Variants in ANKS1B observed in about 807,000 individuals in gnomAD.
The protein encoded by ANKS1B is ankyrin repeat and sterile alpha motif domain containing 1B, also known as ankyrin repeat and sterile alpha motif domain-containing protein 1B.
Under a neutral mutation model 148.3 loss-of-function variants are expected in ANKS1B, and 36 were observed. The observed-to-expected ratio is 0.24, with a 90% CI of 0.19 to 0.32. ANKS1B has a LOEUF of 0.32. Ranked by LOEUF, ANKS1B falls within the 10% of genes least tolerant of loss-of-function variation. ANKS1B has a pLI of 1.00. For synonymous variants in ANKS1B, 542 were observed against 560.8 expected (o/e 0.97, Z 0.47); for missense variants, 1,157 against 1,542.6 (o/e 0.75, Z 4.19).
At chr12:99,812,032 T>A in intron 3 of ANKS1B, 123 bp downstream of exon 3, 1 of 1,207,900 alleles carries the variant, frequency 8.3e-7, no homozygotes, top group Non-Finnish European at 1.1e-6. Flanking sequence ...TTTCTCCTTT[T>A]AGGAAATTCA....
chr12:99,647,513 T>C (rs754878633), intron 9 of ANKS1B, among the ~76,000 whole-genome samples: 2 of 152,162 alleles, frequency 1.3e-5, no homozygotes, highest in Non-Finnish European at 2.9e-5. Flanking sequence ...CACAGAAAAT[T>C]TACCTCTAAC....
chr12:99,734,843 C>A (rs975475172), intron 8 of ANKS1B, among the ~76,000 whole-genome samples: 1 of 152,140 alleles, frequency 6.6e-6, no homozygotes, highest in Admixed American at 6.6e-5. Context: ...TCAGTGATCT[C>A]CTCTCAGTTA....
At chr12:99,105,524 T>C (rs1330204119) in intron 15 of ANKS1B, among the ~76,000 whole-genome samples, 1 of 152,026 alleles carries the variant, frequency 6.6e-6, no homozygotes, top group Non-Finnish European at 1.5e-5. Flanking sequence ...AACAAAATTT[T>C]TTGGGAGGCC....
intron 17 of ANKS1B, among the ~76,000 whole-genome samples, chr12:98,985,460 G>A (rs768853440): frequency 2.0e-4 from 31 of 151,388 alleles, no homozygotes; most frequent in African/African-American, 3.9e-4. Context: ...TTATTCCTGC[G>A]TTTTTTGATA....
At chr12:99,878,042 G>A (rs1603426671) in intron 1 of ANKS1B, among the ~76,000 whole-genome samples, 1 of 152,234 alleles carries the variant, frequency 6.6e-6, no homozygotes, top group Middle Eastern at 3.4e-3. Flanking sequence ...GTGACAGAGT[G>A]AGACCCTGTC....
In ANKS1B at chr12:99,431,821, G is replaced by A. The variant is rs185532160; in HGVS notation, c.1575+11852C>T. On this transcript the variant is annotated intron_variant, in intron 11 of 26. Coordinates refer to ENST00000683438, the MANE Select transcript of ANKS1B (RefSeq NM_001352186.2). Reference sequence around the variant, plus strand: ...CCTGGACTATGTATCTGCCTGCTACGATATGGATATGGCTTAGTTTGTCCC... The same window carrying A: ...CCTGGACTATGTATCTGCCTGCTACAATATGGATATGGCTTAGTTTGTCCC... Among the ~76,000 whole-genome samples the A allele has an allele frequency of 3.8e-3, 577 of 152,278 alleles. 2 individuals carry two copies. Among genetic ancestry groups the A allele is most frequent in the Middle Eastern group, 0.02 (6 of 294 alleles).
chr12:98,788,247 A>G lies in ANKS1B; in HGVS notation c.3343-6110T>C, dbSNP rs2098815444. Among the ~76,000 whole-genome samples, 3 of 145,784 alleles carry G rather than the reference A, an allele frequency of 2.1e-5. No homozygotes were observed. In the South Asian group the frequency reaches 6.5e-4, roughly 32 times the overall value. ...TGGTGAAACCCCCCATCTCTAGAAA[A>G]GAGAAGAAAACAGACAAAAAAAAAA... On this transcript the variant is annotated intron_variant, in intron 22 of 26. Transcript: ENST00000683438.
At position 98,781,983 on chromosome 12, in the gene ANKS1B, A is replaced by G. The variant is rs188060490; in HGVS notation, c.3354+143T>C. The G allele has an allele frequency of 8.7e-5, 60 of 687,242 alleles. No homozygotes were observed. The Admixed American group carries it at 1.4e-3, about 17-fold the overall frequency. The allele number at this position is 687,242 out of a possible 1,614,324, so 42.6% of individuals were successfully genotyped here. A position where few individuals can be genotyped will look rare whatever the true frequency, so the allele number is the denominator to read the frequency against. ...GTTTGCAGCTTGTACAGTTTTATGC[A>G]TCTGCAAAAAGTTTCTCTATAATTT... On this transcript the variant is annotated intron_variant, in intron 23 of 26. Coordinates refer to ENST00000683438, the MANE Select transcript of ANKS1B (RefSeq NM_001352186.2).
At chr12:99,898,731 G>A (rs11110098) in intron 1 of ANKS1B, among the ~76,000 whole-genome samples, 26,958 of 152,008 alleles carry the variant, frequency 0.18, 4,117 homozygotes, top group African/African-American at 0.42. Flanking sequence ...CTTTAGCCCC[G>A]ACTTTGATAT....
chr12:98,866,580 A>G (rs943133818), intron 17 of ANKS1B, among the ~76,000 whole-genome samples: 1 of 152,184 alleles, frequency 6.6e-6, no homozygotes, highest in Admixed American at 6.5e-5. Flanking sequence ...GCTTATCCAG[A>G]GGTCTGTACA....
intron 17 of ANKS1B, among the ~76,000 whole-genome samples, chr12:98,846,330 G>T (rs987136602): frequency 8.5e-5 from 13 of 152,186 alleles, no homozygotes; most frequent in Non-Finnish European, 1.8e-4. Flanking sequence ...GTTAATGAAG[G>T]TTTCATTGTA....
intron 1 of ANKS1B, among the ~76,000 whole-genome samples, chr12:99,848,551 A>T (rs761364130): frequency 6.6e-6 from 1 of 152,184 alleles, no homozygotes; most frequent in Non-Finnish European, 1.5e-5. Context: ...TAGAACCCAG[A>T]AACAGACCCT....
chr12:98,968,779 T>C (rs1171429062), intron 17 of ANKS1B, among the ~76,000 whole-genome samples: 1 of 151,626 alleles, frequency 6.6e-6, no homozygotes, highest in African/African-American at 2.4e-5. Flanking sequence ...CCCTTGTGCC[T>C]AGGAGGGAGG....
At chr12:99,896,466 G>C (rs7132936) in intron 1 of ANKS1B, among the ~76,000 whole-genome samples, 35,048 of 151,004 alleles carry the variant, frequency 0.23, 5,138 homozygotes, top group Non-Finnish European at 0.26. Flanking sequence ...ATTGTGAATA[G>C]AGACACCACA....
Position 99,812,347 on chromosome 12 carries a change from G to A in ANKS1B, c.216-36C>T, listed in dbSNP as rs747972905. 14 of 1,594,594 alleles carry A rather than the reference G, an allele frequency of 8.8e-6. No individual in the cohort carries two copies. In the African/African-American group the frequency reaches 9.5e-5, roughly 11 times the overall value. ...AAAAACAACAACAACAAAATAGGCT[G>A]AGCAAGACAAACTGTATTAAATAGG... On this transcript the variant is annotated intron_variant, in intron 2 of 26. Coordinates refer to ENST00000683438, the MANE Select transcript of ANKS1B (RefSeq NM_001352186.2).
At chr12:99,772,862 T>C (rs117824030) in intron 8 of ANKS1B, 60 bp downstream of exon 8, 1,323 of 1,511,062 alleles carry the variant, frequency 8.8e-4, no homozygotes, top group Non-Finnish European at 1.0e-3. Context: ...ACCTCTTAAG[T>C]GTACACACTG....
At chr12:99,925,568 T>C (rs1376957871) in intron 1 of ANKS1B, among the ~76,000 whole-genome samples, 1 of 152,186 alleles carries the variant, frequency 6.6e-6, no homozygotes. Context: ...CAATGTATTT[T>C]CTCACAGCTC....
At chr12:99,354,831 G>A (rs1382728405) in intron 12 of ANKS1B, among the ~76,000 whole-genome samples, 1 of 151,998 alleles carries the variant, frequency 6.6e-6, no homozygotes, top group Non-Finnish European at 1.5e-5. Context: ...AGTTCAGTAA[G>A]AGATAAGTAT....
At chr12:99,363,177 A>T (rs560666725) in intron 12 of ANKS1B, among the ~76,000 whole-genome samples, 45 of 152,120 alleles carry the variant, frequency 3.0e-4, no homozygotes, top group Non-Finnish European at 5.7e-4. Flanking sequence ...TGTTTAGAAG[A>T]CTTCACAAAT....
Sources: gnomAD v4.1 joint callset for allele counts (sites outside exome capture counted in the v4.1 genomes callset) on GRCh38, gnomAD v4.1.1 for gene constraint, MANE v1.5 for transcripts, NCBI Gene and HGNC (gene_info 2026-07-23, HGNC 2026-07-21) for gene names.